Variants in NTNG1 observed in about 807,000 individuals in gnomAD.
The protein encoded by NTNG1 is netrin-G1.
NTNG1 carries 16 observed loss-of-function variants against 54.0 expected under a neutral mutation model. That is an observed-to-expected ratio of 0.30 (90% CI 0.20 to 0.45). The LOEUF (loss-of-function observed/expected upper bound fraction) is 0.45. Among genes scored for constraint, NTNG1 ranks in the 20% least tolerant of loss-of-function variants. The probability of loss-of-function intolerance (pLI) is 1.00; values close to 1 mark genes in which losing one functional copy is unlikely to be tolerated. For missense variants in NTNG1, 530 were observed against 678.7 expected (o/e 0.78, Z 2.43); for synonymous variants, 255 against 263.1 (o/e 0.97, Z 0.30).
At position 107,165,133 on chromosome 1, in the gene NTNG1, G is replaced by C. The variant is rs541780366; in HGVS notation, c.246+16294G>C. Among the ~76,000 whole-genome samples, 7 of 152,214 alleles carry C rather than the reference G, an allele frequency of 4.6e-5. No homozygotes were observed. The South Asian group carries it at 1.5e-3, about 32-fold the overall frequency. On this transcript the variant is annotated intron_variant, in intron 2 of 7. Coordinates refer to ENST00000370068, the MANE Select transcript of NTNG1 (RefSeq NM_001113226.3). The stretch of plus-strand genomic sequence containing the variant: ...GGAGCAAGTGACCAGGGGTGACTCA[G>C]GTCAAAGCAGGTGACCAAGGGAACA...
intron 2 of NTNG1, among the ~76,000 whole-genome samples, chr1:107,164,979 A>G (rs35795268): frequency 0.015 from 2,326 of 152,078 alleles, 52 homozygotes; most frequent in Admixed American, 0.026. Flanking sequence ...GCTAATTCCG[A>G]TTGGCTATTT....
chr1:107,455,421 A>G (rs1373632345), intron 7 of NTNG1, among the ~76,000 whole-genome samples: 2 of 152,206 alleles, frequency 1.3e-5, no homozygotes, highest in Non-Finnish European at 2.9e-5. Flanking sequence ...CCAGTAGCCT[A>G]ATGTGGTGCT....
At chr1:107,422,888 A>G (rs1366014101) in intron 5 of NTNG1, among the ~76,000 whole-genome samples, 1 of 152,148 alleles carries the variant, frequency 6.6e-6, no homozygotes, top group African/African-American at 2.4e-5. Context: ...TAATGTAATT[A>G]TAGGCAACAT....
chr1:107,268,628 C>A (rs1404477190), intron 2 of NTNG1, among the ~76,000 whole-genome samples: 1 of 151,968 alleles, frequency 6.6e-6, no homozygotes, highest in African/African-American at 2.4e-5. Context: ...GTTGATAAGC[C>A]CCAGATAACT....
intron 2 of NTNG1, among the ~76,000 whole-genome samples, chr1:107,312,682 A>G (rs1667084597): frequency 1.3e-5 from 2 of 152,174 alleles, no homozygotes; most frequent in African/African-American, 4.8e-5. Flanking sequence ...AACAGGAACC[A>G]GTTTATTCAA....
chr1:107,341,627 G>T (rs1265683890), intron 3 of NTNG1, among the ~76,000 whole-genome samples: 1 of 152,026 alleles, frequency 6.6e-6, no homozygotes, highest in African/African-American at 2.4e-5. Context: ...GCTTATAAAA[G>T]ATTCATTGGC....
intron 7 of NTNG1, among the ~76,000 whole-genome samples, chr1:107,456,091 C>G (rs750839767): frequency 2.0e-5 from 3 of 152,100 alleles, no homozygotes; most frequent in Non-Finnish European, 2.9e-5. Flanking sequence ...GTCATTTCAT[C>G]TTAGAAACAG....
rs576162349 is a variant in NTNG1, at chr1:107,199,008, A to C, written c.246+50169A>C. 2.0e-5 allele frequency among the ~76,000 whole-genome samples: 3 copies of C among 151,312 alleles called. No homozygotes were observed. In the South Asian group the frequency reaches 6.2e-4, roughly 31 times the overall value. The stretch of plus-strand genomic sequence containing the variant: ...AATTTATTATTTAGTTTCTTCTGAA[A>C]TTGCTATTTTTTTTTTGAAATTTTC... On this transcript the variant is annotated intron_variant, in intron 2 of 7. Transcript: ENST00000370068.
intron 7 of NTNG1, among the ~76,000 whole-genome samples, chr1:107,441,960 G>T (rs757699214): frequency 6.6e-6 from 1 of 152,052 alleles, no homozygotes. Flanking sequence ...TTTCAATCAA[G>T]ACCACAGACT....
At chr1:107,260,415 T>C (rs1177460064) in intron 2 of NTNG1, among the ~76,000 whole-genome samples, 1 of 152,226 alleles carries the variant, frequency 6.6e-6, no homozygotes, top group Non-Finnish European at 1.5e-5. Context: ...TTCACTCTGA[T>C]GTTCTACAGC....
intron 3 of NTNG1, among the ~76,000 whole-genome samples, chr1:107,341,098 G>A (rs1288557498): frequency 6.6e-6 from 1 of 151,924 alleles, no homozygotes; most frequent in Non-Finnish European, 1.5e-5. Context: ...AGACCACACT[G>A]GACAACATAG....
chr1:107,264,503 A>T (rs10157161), intron 2 of NTNG1, among the ~76,000 whole-genome samples: 10,721 of 152,188 alleles, frequency 0.07, 1,248 homozygotes, highest in African/African-American at 0.24. Context: ...AAGTTAAAAG[A>T]CTATATATAG....
At chr1:107,311,959 T>C (rs1339941109) in intron 2 of NTNG1, among the ~76,000 whole-genome samples, 2 of 152,190 alleles carry the variant, frequency 1.3e-5, no homozygotes, top group Non-Finnish European at 2.9e-5. Context: ...TGAAGAATCT[T>C]ACATGCTATG....
At chr1:107,140,473 A>G (rs1250132986), upstream of NTNG1, among the ~76,000 whole-genome samples, 1 of 152,018 alleles carries the variant, frequency 6.6e-6, no homozygotes, top group Non-Finnish European at 1.5e-5. Flanking sequence ...GTCGTGGGCC[A>G]TGTATATTTC....
At position 107,307,382 on chromosome 1, in the gene NTNG1, A is replaced by AGTG. The variant is rs1421920042; in HGVS notation, c.247-16899_247-16897dup. Among the ~76,000 whole-genome samples, 3 of 152,306 alleles carry AGTG rather than the reference A, an allele frequency of 2.0e-5. No individual in the cohort carries two copies. The East Asian group carries it at 5.8e-4, about 29-fold the overall frequency. ...GATCATACATAAGAATAGCAATGAT[A>AGTG]GTGATGATGATGATGATGCTAGTAA... On this transcript the variant is annotated intron_variant, in intron 2 of 7. Coordinates refer to ENST00000370068, the MANE Select transcript of NTNG1 (RefSeq NM_001113226.3).
intron 7 of NTNG1, among the ~76,000 whole-genome samples, chr1:107,473,675 A>G (rs1460752669): frequency 2.0e-5 from 3 of 152,248 alleles, no homozygotes; most frequent in Non-Finnish European, 4.4e-5. Context: ...TAGAAGTAAG[A>G]GAGGAAGAAA....
At chr1:107,457,637 ATAAT>A (rs1209816922) in intron 7 of NTNG1, among the ~76,000 whole-genome samples, 1 of 152,094 alleles carries the variant, frequency 6.6e-6, no homozygotes, top group Non-Finnish European at 1.5e-5. Flanking sequence ...TTTTTTAATA[ATAAT>A]TTATTTTTTA....
chr1:107,428,834 G>T (rs2101310013), intron 5 of NTNG1, among the ~76,000 whole-genome samples: 1 of 152,186 alleles, frequency 6.6e-6, no homozygotes. Flanking sequence ...ACAGAGGATT[G>T]GTGGGAAATG....
At chr1:107,387,380 G>T (rs1672075259) in intron 3 of NTNG1, among the ~76,000 whole-genome samples, 1 of 152,172 alleles carries the variant, frequency 6.6e-6, no homozygotes, top group Non-Finnish European at 1.5e-5. Context: ...CTGTTCATCA[G>T]AACTCTGACA....
Sources: gnomAD v4.1 joint callset for allele counts (sites outside exome capture counted in the v4.1 genomes callset) on GRCh38, gnomAD v4.1.1 for gene constraint, MANE v1.5 for transcripts, NCBI Gene and HGNC (gene_info 2026-07-23, HGNC 2026-07-21) for gene names.